Variants in PTPRD observed in about 807,000 individuals in gnomAD.
PTPRD encodes receptor-type tyrosine-protein phosphatase delta.
PTPRD carries 34 observed loss-of-function variants against 214.5 expected under a neutral mutation model. That is an observed-to-expected ratio of 0.16 (90% CI 0.12 to 0.21). The LOEUF is 0.21. PTPRD is among the 10% of genes least tolerant of loss of function. The probability of loss-of-function intolerance (pLI) is 1.00; values close to 1 mark genes in which losing one functional copy is unlikely to be tolerated. For synonymous variants in PTPRD, 1,128 were observed against 845.7 expected (o/e 1.33, Z -5.79); for missense variants, 2,545 against 2,398.7 (o/e 1.06, Z -1.27).
chr9:8,666,970 T>C (rs1229119835), intron 12 of PTPRD, among the ~76,000 whole-genome samples: 3 of 152,234 alleles, frequency 2.0e-5, no homozygotes, highest in East Asian at 1.9e-4. Context: ...GGCTTGTGTA[T>C]GCACATTATC....
chr9:9,826,959 C>T (rs919094116), intron 5 of PTPRD, among the ~76,000 whole-genome samples: 2 of 151,912 alleles, frequency 1.3e-5, no homozygotes, highest in East Asian at 3.9e-4. Flanking sequence ...ATGTGAAGGA[C>T]CTCTTCAAGG....
At chr9:9,010,036 G>A (rs2099501983) in intron 11 of PTPRD, among the ~76,000 whole-genome samples, 1 of 152,000 alleles carries the variant, frequency 6.6e-6, no homozygotes, top group Non-Finnish European at 1.5e-5. Flanking sequence ...TGACAAAGAT[G>A]GAAATTTTTA....
intron 2 of PTPRD, among the ~76,000 whole-genome samples, chr9:10,430,752 G>C (rs748316530): frequency 9.9e-5 from 15 of 151,810 alleles, no homozygotes; most frequent in Non-Finnish European, 1.6e-4. Context: ...GGTCAAAAAA[G>C]ATTGTTATGT....
At chr9:10,143,931 C>T (rs1413157959) in intron 3 of PTPRD, among the ~76,000 whole-genome samples, 2 of 151,998 alleles carry the variant, frequency 1.3e-5, no homozygotes, top group Non-Finnish European at 2.9e-5. Flanking sequence ...GGCAAGCATT[C>T]AGAAACTACC....
At chr9:8,353,858 GTATATATGTATATATGTA>G (rs2076221387) in intron 39 of PTPRD, among the ~76,000 whole-genome samples, 1 of 100,378 alleles carries the variant, frequency 1.0e-5, no homozygotes, top group Admixed American at 1.1e-4. Flanking sequence ...GTATATATGT[GTATATATGTATATATGTA>G]TATATGTGTA....
At chr9:10,247,777 C>G (rs967752031) in intron 3 of PTPRD, among the ~76,000 whole-genome samples, 6 of 151,980 alleles carry the variant, frequency 3.9e-5, no homozygotes, top group African/African-American at 1.5e-4. Context: ...AGGATTATGT[C>G]CCTGATGGTA....
intron 39 of PTPRD, 33 bp downstream of exon 39, chr9:8,375,903 T>C (rs760550306): frequency 1.1e-5 from 17 of 1,593,662 alleles, no homozygotes; most frequent in Non-Finnish European, 1.4e-5. Context: ...TAGCTTTCTG[T>C]TTCCTGACTG....
At chr9:8,483,322 A>G (rs1223365838) in intron 30 of PTPRD, among the ~76,000 whole-genome samples, 1 of 152,260 alleles carries the variant, frequency 6.6e-6, no homozygotes, top group East Asian at 1.9e-4. Context: ...CATCAGTGTC[A>G]TATACCATTA....
At chr9:9,075,074 G>C (rs962020599) in intron 10 of PTPRD, among the ~76,000 whole-genome samples, 11 of 151,920 alleles carry the variant, frequency 7.2e-5, no homozygotes, top group African/African-American at 2.7e-4. Context: ...AAAGATAATG[G>C]TCAAATGCTT....
At chr9:10,412,162 C>T (rs192199478) in intron 2 of PTPRD, among the ~76,000 whole-genome samples, 1 of 151,586 alleles carries the variant, frequency 6.6e-6, no homozygotes, top group African/African-American at 2.4e-5. Context: ...AATTCCTCAA[C>T]TTAACATAAG....
rs148062315 is a variant in PTPRD at position 9,209,545 on chromosome 9, A to G, written c.-202-26182T>C. Among the ~76,000 whole-genome samples, 943 of 152,300 alleles carry G rather than the reference A, an allele frequency of 6.2e-3. 8 individuals are homozygous for G. The highest frequency in any genetic ancestry group is 0.02 in the African/African-American group (847 of 41,556). ...TATTGTGGCATATTTTTTAAATCTT[A>G]GAGATATCTACTGAAATATTTGTGT... On this transcript the variant is annotated intron_variant, in intron 9 of 45. Coordinates refer to ENST00000381196, the MANE Select transcript of PTPRD (RefSeq NM_002839.4).
chr9:9,846,890 G>A (rs1157466872), intron 5 of PTPRD, among the ~76,000 whole-genome samples: 1 of 151,938 alleles, frequency 6.6e-6, no homozygotes, highest in African/African-American at 2.4e-5. Context: ...AGAGAGTAGG[G>A]GATTATGATA....
intron 7 of PTPRD, among the ~76,000 whole-genome samples, chr9:9,692,401 C>T (rs559002986): frequency 3.9e-4 from 60 of 151,996 alleles, no homozygotes; most frequent in African/African-American, 1.4e-3. Flanking sequence ...CCCTAGCATA[C>T]GTTCTTGGCA....
At chr9:10,503,038 C>T (rs1221011685) in intron 2 of PTPRD, among the ~76,000 whole-genome samples, 1 of 151,086 alleles carries the variant, frequency 6.6e-6, no homozygotes, top group African/African-American at 2.4e-5. Flanking sequence ...CCTTGTTTTC[C>T]TTTAGAATGT....
At chr9:9,261,404 C>A (rs1320907368) in intron 9 of PTPRD, among the ~76,000 whole-genome samples, 15 of 151,758 alleles carry the variant, frequency 9.9e-5, no homozygotes, top group Admixed American at 9.9e-4. Context: ...AAGCAATCAG[C>A]TAAGGAAATC....
intron 39 of PTPRD, among the ~76,000 whole-genome samples, chr9:8,349,241 T>C (rs533833640): frequency 1.3e-5 from 2 of 151,942 alleles, no homozygotes; most frequent in African/African-American, 4.8e-5. Flanking sequence ...TGCTGAGAAA[T>C]AACAAACCTC....
At position 10,164,365 on chromosome 9, in the gene PTPRD, G is replaced by A. The variant is rs541870011; in HGVS notation, c.-544-130575C>T. Among the ~76,000 whole-genome samples, 33 of 151,470 alleles carry A rather than the reference G, an allele frequency of 2.2e-4. No individual in the cohort carries two copies. In the South Asian group the frequency reaches 5.6e-3, roughly 26 times the overall value. ...ATTATTTCAGTAACTGAATTGAACT[G>A]TTTCTAGTCATGAGTTTTCCAGATT... On this transcript the variant is annotated intron_variant, in intron 3 of 45. Transcript: ENST00000381196.
intron 10 of PTPRD, among the ~76,000 whole-genome samples, chr9:9,058,421 G>A (rs1004428481): frequency 7.2e-6 from 1 of 138,014 alleles, no homozygotes; most frequent in African/African-American, 2.6e-5. Flanking sequence ...TAGCAATATT[G>A]GTGAGAGAAA....
chr9:9,676,612 C>T (rs1471899489), intron 7 of PTPRD, among the ~76,000 whole-genome samples: 1 of 152,050 alleles, frequency 6.6e-6, no homozygotes, highest in Non-Finnish European at 1.5e-5. Flanking sequence ...TTTATAGCAT[C>T]ATGATTTATA....
Sources: allele counts gnomAD v4.1 joint callset (sites outside exome capture counted in the v4.1 genomes callset), GRCh38; gene constraint gnomAD v4.1.1; transcripts MANE v1.5; gene names NCBI Gene and HGNC (gene_info 2026-07-23, HGNC 2026-07-21).